Variants in DSTN observed in about 807,000 individuals in gnomAD.
DSTN encodes the protein destrin, actin depolymerizing factor, also known as destrin.
A neutral mutation model predicts 16.8 loss-of-function variants in DSTN; 10 were observed. That is an observed-to-expected ratio of 0.60 (90% CI 0.37 to 1.01). The LOEUF (loss-of-function observed/expected upper bound fraction) is 1.01. Ranked by LOEUF, DSTN falls within the 50% of genes least tolerant of loss-of-function variation. The pLI, the probability that DSTN is intolerant of heterozygous loss-of-function variation, is 0.01. For synonymous variants in DSTN, 57 were observed against 58.9 expected, an observed-to-expected ratio of 0.97 and a Z score of 0.14; for missense variants, 141 against 196.7, an observed-to-expected ratio of 0.72 and a Z score of 1.69.
chr20:17,596,849 T>C (rs911173736), intron 1 of DSTN: 33 of 976,718 alleles, frequency 3.4e-5, no homozygotes, highest in Non-Finnish European at 3.8e-5. Context: ...GAATGCACAT[T>C]TACTTTGTTT....
At chr20:17,588,725 A>G (rs1205733357) in intron 1 of DSTN, among the ~76,000 whole-genome samples, 1 of 152,214 alleles carries the variant, frequency 6.6e-6, no homozygotes, top group Non-Finnish European at 1.5e-5. Context: ...CAGAGCTTGC[A>G]GTGAGCTGAG....
intron 1 of DSTN, among the ~76,000 whole-genome samples, chr20:17,585,077 A>C (rs750325833): frequency 7.2e-5 from 11 of 152,206 alleles, no homozygotes; most frequent in Non-Finnish European, 1.3e-4. Flanking sequence ...ATAAGGCTCT[A>C]TGATATAAAT....
At chr20:17,603,247 T>C (rs2035605702) in intron 2 of DSTN, among the ~76,000 whole-genome samples, 1 of 152,194 alleles carries the variant, frequency 6.6e-6, no homozygotes, top group African/African-American at 2.4e-5. Flanking sequence ...CCTGGAAATA[T>C]GGCAGCTAAA....
intron 1 of DSTN, among the ~76,000 whole-genome samples, chr20:17,571,486 C>T (rs771945417): frequency 6.6e-6 from 1 of 152,164 alleles, no homozygotes; most frequent in Non-Finnish European, 1.5e-5. Flanking sequence ...TTTGGTTCTT[C>T]TTTGGTTTAA....
intron 1 of DSTN, among the ~76,000 whole-genome samples, chr20:17,600,341 C>T (rs1376632903): frequency 6.6e-6 from 1 of 152,048 alleles, no homozygotes; most frequent in Non-Finnish European, 1.5e-5. Context: ...CAGCTATGAC[C>T]AGCTACTGTG....
At chr20:17,585,970 T>C (rs1383925027) in intron 1 of DSTN, among the ~76,000 whole-genome samples, 1 of 152,128 alleles carries the variant, frequency 6.6e-6, no homozygotes, top group African/African-American at 2.4e-5. Flanking sequence ...TATGTATTTA[T>C]TTTTCTGGGT....
chr20:17,592,208 T>A (rs1339164917), intron 1 of DSTN: 6 of 590,294 alleles, frequency 1.0e-5, no homozygotes, highest in Non-Finnish European at 1.3e-5. Context: ...GGCAGATGAC[T>A]TGAGCCCAGG....
intron 2 of DSTN, among the ~76,000 whole-genome samples, chr20:17,603,095 T>C (rs1478495967): frequency 6.6e-6 from 1 of 152,192 alleles, no homozygotes; most frequent in Non-Finnish European, 1.5e-5. Context: ...TGGCTCTGCC[T>C]CCTTCCCTGG....
intron 1 of DSTN, among the ~76,000 whole-genome samples, chr20:17,585,636 T>C (rs1202115233): frequency 1.3e-5 from 2 of 152,102 alleles, no homozygotes; most frequent in Non-Finnish European, 2.9e-5. Flanking sequence ...CATATATATG[T>C]ACACACACAT....
intron 1 of DSTN, among the ~76,000 whole-genome samples, chr20:17,587,031 TCAGTA>T (rs2035417136): frequency 6.6e-6 from 1 of 151,182 alleles, no homozygotes; most frequent in African/African-American, 2.5e-5. Flanking sequence ...ATATATATAT[TCAGTA>T]TTTGACTTGC....
At chr20:17,595,400 C>G (rs1047833524) in intron 1 of DSTN, among the ~76,000 whole-genome samples, 1 of 152,158 alleles carries the variant, frequency 6.6e-6, no homozygotes, top group African/African-American at 2.4e-5. Context: ...TTCCCTTCCT[C>G]CCTGTTTCAG....
At chr20:17,586,307 T>G (rs946046959) in intron 1 of DSTN, among the ~76,000 whole-genome samples, 1 of 152,200 alleles carries the variant, frequency 6.6e-6, no homozygotes, top group Non-Finnish European at 1.5e-5. Context: ...GAATTGAACT[T>G]GCAGCGTCTC....
intron 1 of DSTN, chr20:17,591,970 G>GC (rs2035474219): frequency 1.0e-6 from 1 of 985,308 alleles, no homozygotes; most frequent in Non-Finnish European, 1.2e-6. Flanking sequence ...ACGTAAGAGA[G>GC]CTACCAGCGT....
chr20:17,582,037 A>G (rs7269510), intron 1 of DSTN, among the ~76,000 whole-genome samples: 8,987 of 151,582 alleles, frequency 0.059, 407 homozygotes, highest in East Asian at 0.12. Flanking sequence ...TAGAGATTCA[A>G]TAATATACAA....
At chr20:17,584,388 G>A (rs950697479) in intron 1 of DSTN, among the ~76,000 whole-genome samples, 2 of 152,222 alleles carry the variant, frequency 1.3e-5, no homozygotes, top group South Asian at 2.1e-4. Flanking sequence ...AGTGGCTCAC[G>A]CCTGTAATCC....
intron 1 of DSTN, among the ~76,000 whole-genome samples, chr20:17,590,808 T>C (rs2035461149): frequency 6.6e-6 from 1 of 152,234 alleles, no homozygotes; most frequent in Non-Finnish European, 1.5e-5. Context: ...TAACCTAACA[T>C]TTTAGAGAAA....
intron 1 of DSTN, among the ~76,000 whole-genome samples, chr20:17,583,060 A>G (rs1454705717): frequency 6.6e-6 from 1 of 152,260 alleles, no homozygotes; most frequent in Admixed American, 6.5e-5. Flanking sequence ...CTGTTTCTCT[A>G]AAGATGTGCA....
At position 17,575,574 on chromosome 20, in the gene DSTN, A is replaced by G. The variant is rs547374088; in HGVS notation, c.3+5363A>G. 5.2e-4 allele frequency among the ~76,000 whole-genome samples: 79 copies of G among 151,946 alleles called. 1 individual carries two copies. Among genetic ancestry groups the G allele is most frequent in the African/African-American group, 1.9e-3 (79 of 41,418 alleles). ...CACCCTCAGGCTCAGTCAGTCCTCT[A>G]CCTCAGCCTCCTGAGTAGCTGGGAC... is the stretch of plus-strand genomic sequence containing the variant. On this transcript the variant is annotated intron_variant, in intron 1 of 3. Coordinates refer to ENST00000246069, the MANE Select transcript of DSTN (RefSeq NM_006870.4).
chr20:17,606,099 A>G (rs2035640028), intron 3 of DSTN, among the ~76,000 whole-genome samples: 1 of 150,426 alleles, frequency 6.6e-6, no homozygotes, highest in African/African-American at 2.5e-5. Context: ...TAAGAGCAAA[A>G]CTCTGTCTCA....
Sources: gnomAD v4.1 joint callset for allele counts (sites outside exome capture counted in the v4.1 genomes callset) on GRCh38, gnomAD v4.1.1 for gene constraint, MANE v1.5 for transcripts, NCBI Gene and HGNC (gene_info 2026-07-23, HGNC 2026-07-21) for gene names.